SCN9A: variants seen among roughly 807,000 people sequenced by gnomAD.
SCN9A encodes the protein sodium channel protein type 9 subunit alpha.
SCN9A carries 131 observed loss-of-function variants against 187.0 expected under a neutral mutation model. The observed-to-expected ratio is 0.70, with a 90% CI of 0.61 to 0.81. SCN9A has a LOEUF of 0.81. Ranked by LOEUF, SCN9A falls within the 30% of genes least tolerant of loss-of-function variation. The probability of loss-of-function intolerance (pLI) is 0.00; values close to 1 mark genes in which losing one functional copy is unlikely to be tolerated. For synonymous variants in SCN9A, 809 were observed against 808.6 expected, an observed-to-expected ratio of 1.00 and a Z score of -0.01; for missense variants, 2,252 against 2,396.6, an observed-to-expected ratio of 0.94 and a Z score of 1.26.
chr2:166,321,765 C>T (rs1157778841), intron 1 of SCN9A, among the ~76,000 whole-genome samples: 1 of 150,352 alleles, frequency 6.7e-6, no homozygotes, highest in Non-Finnish European at 1.5e-5. Context: ...ACTTATATCA[C>T]TTCATTCCAA....
intron 1 of SCN9A, among the ~76,000 whole-genome samples, chr2:166,374,838 G>A (rs1700649586): frequency 6.6e-6 from 1 of 151,512 alleles, no homozygotes; most frequent in Admixed American, 6.6e-5. Flanking sequence ...ACTGACACTA[G>A]CTTCTTAAAA....
At position 166,204,032 on chromosome 2, in the gene SCN9A, A is replaced by G; in HGVS notation, c.4697T>C (p.Leu1566Pro). 3.1e-6 allele frequency: 5 copies of G among 1,608,292 alleles called. No homozygotes were observed. The highest frequency in any genetic ancestry group is 4.3e-6 in the Non-Finnish European group (5 of 1,175,228). ...GAAGTAGTAGTGTCTGAGGGAGATC[A>G]GTTTTAGCACACATTCTCCAGTGAA... ...ILFTGECVLK[L>P]ISLRHYYFTV... The change falls in exon 26 of 27, where the codon CTG becomes CCG. Residue 1566 changes from leucine to proline, a missense_variant. Physicochemically the swap from Leu to Pro is moderately conservative, Grantham distance 98 (BLOSUM62 -3). Transcript: ENST00000642356.
At chr2:166,215,759 A>G (rs1414135751) in intron 24 of SCN9A, among the ~76,000 whole-genome samples, 1 of 142,838 alleles carries the variant, frequency 7.0e-6, no homozygotes, top group Non-Finnish European at 1.5e-5. Flanking sequence ...ATAGATCAGT[A>G]ATAAATTAAG....
At chr2:166,288,313 G>A (rs1332582830) in intron 10 of SCN9A, 124 bp downstream of exon 10, 8 of 705,600 alleles carry the variant, frequency 1.1e-5, no homozygotes, top group Non-Finnish European at 1.3e-5. Context: ...TGAGGATACA[G>A]TTTATACACA....
chr2:166,362,018 C>G (rs2105316641), intron 1 of SCN9A, among the ~76,000 whole-genome samples: 1 of 152,130 alleles, frequency 6.6e-6, no homozygotes, highest in South Asian at 2.1e-4. Context: ...AGTTAAGAAG[C>G]ATGCATGCCA....
intron 1 of SCN9A, among the ~76,000 whole-genome samples, chr2:166,331,258 T>G (rs1699496227): frequency 6.6e-6 from 1 of 152,150 alleles, no homozygotes; most frequent in Non-Finnish European, 1.5e-5. Flanking sequence ...AAAAATTTAG[T>G]CTTTCTTTTA....
chr2:166,209,765 T>C (rs954000945), intron 24 of SCN9A, among the ~76,000 whole-genome samples: 3 of 151,514 alleles, frequency 2.0e-5, no homozygotes, highest in Non-Finnish European at 2.9e-5. Context: ...AGATACCATC[T>C]CATACCAGTT....
intron 1 of SCN9A, among the ~76,000 whole-genome samples, chr2:166,360,121 T>G (rs1700242458): frequency 7.0e-6 from 1 of 143,362 alleles, no homozygotes; most frequent in Admixed American, 7.5e-5. Flanking sequence ...CTCAGGAGGC[T>G]GAGGCAGGAG....
At chr2:166,374,984 TC>T (rs778374010) in intron 1 of SCN9A, among the ~76,000 whole-genome samples, 5 of 152,184 alleles carry the variant, frequency 3.3e-5, no homozygotes, top group Admixed American at 6.5e-5. Context: ...CATTAATGTT[TC>T]TAGTTTCTTG....
chr2:166,281,858 T>C, intron 12 of SCN9A, 50 bp from the exon 13 acceptor site: 1 of 1,538,536 alleles, frequency 6.5e-7, no homozygotes, highest in East Asian at 2.3e-5. Context: ...TAATAAATTG[T>C]AGGTATAAGA....
At position 166,228,927 on chromosome 2, in the gene SCN9A, C is replaced by T. The variant is rs1167450648; in HGVS notation, c.3970G>A (p.Val1324Met). 6.2e-7 allele frequency: 1 copy of T among 1,613,536 alleles called. No homozygotes were observed. The highest frequency in any genetic ancestry group is 1.7e-5 in the Admixed American group (1 of 60,002). ...LIGAIPSIMN[V>M]LLVCLIFWLI... ...CAGAATATAAGACACACAAGTAGCA[C>T]ATTCATGATGGAAGGAATTGCTCCT... The change falls in exon 22 of 27, where the codon GTG becomes ATG. Residue 1324 changes from valine (V) to methionine (M), a missense_variant. This residue lies in a region of SCN9A where 368 missense variants were observed against 408.6 expected (regional missense o/e 0.90). Coordinates refer to ENST00000642356, the MANE Select transcript of SCN9A (RefSeq NM_001365536.1).
At chr2:166,302,964 G>T (rs1314959934) in intron 7 of SCN9A, 126 bp downstream of exon 7, 9 of 775,082 alleles carry the variant, frequency 1.2e-5, no homozygotes, top group Non-Finnish European at 1.8e-5. Context: ...AATTCACACT[G>T]TAGCAGCTTT....
chr2:166,209,222 G>A (rs1472822380), intron 24 of SCN9A, among the ~76,000 whole-genome samples: 1 of 152,150 alleles, frequency 6.6e-6, no homozygotes, highest in African/African-American at 2.4e-5. Flanking sequence ...TGGCTGACAG[G>A]TGGCTATTCT....
In SCN9A at chr2:166,233,424, G is replaced by T; in HGVS notation, c.3840C>A (p.Tyr1280Ter). The T allele has an allele frequency of 6.3e-7, 1 of 1,577,422 alleles. No individual in the cohort carries two copies. Among genetic ancestry groups the T allele is most frequent in the Non-Finnish European group, 8.6e-7 (1 of 1,167,236 alleles). ...LVTLVANTLG[Y>*]SDLGPIKSLR... ...GGGATTTAATGGGGCCAAGATCTGA[G>T]TAGCCAAGAGTGTTTGCCACTAAAG... Residue 1280 changes from tyrosine (Y) to a stop codon, truncating the protein, a stop_gained, in exon 21 of 27, where the codon TAC becomes TAA. Coordinates refer to ENST00000642356, the MANE Select transcript of SCN9A (RefSeq NM_001365536.1). LOFTEE classifies it high-confidence loss of function.
In SCN9A at chr2:166,340,541, C is replaced by CTTTCTTTCTTTCTTTCTTT. The variant is rs1559050847; in HGVS notation, c.-50-28736_-50-28735insAAAGAAAGAAAGAAAGAAA. On this transcript the variant is annotated intron_variant, in intron 1 of 26. Coordinates refer to ENST00000642356, the MANE Select transcript of SCN9A (RefSeq NM_001365536.1). The stretch of plus-strand genomic sequence containing the variant: ...TTCCCTCTCTCCTTTCTTTTCTTTC[C>CTTTCTTTCTTTCTTTCTTT]CTTTCTTTCTTTCTTTCTTTCTTTC... 8.8e-5 allele frequency among the ~76,000 whole-genome samples: 6 copies of CTTTCTTTCTTTCTTTCTTT among 67,822 alleles called. 1 individual carries two copies. The highest frequency in any genetic ancestry group is 2.8e-4 in the Admixed American group (2 of 7,104). 44.5% of individuals were successfully genotyped at this position (67,822 alleles called of 152,430 possible).
At chr2:166,251,671 A>T in intron 18 of SCN9A, 94 bp downstream of exon 18, 2 of 1,354,648 alleles carry the variant, frequency 1.5e-6, no homozygotes, top group Non-Finnish European at 2.1e-6. Context: ...GAGTCTTCTG[A>T]CTTACCGACA....
intron 2 of SCN9A, 70 bp from the exon 3 acceptor site, chr2:166,307,144 T>C: frequency 1.2e-6 from 1 of 842,058 alleles, no homozygotes; most frequent in Non-Finnish European, 2.0e-6. Flanking sequence ...ATATCAGCAG[T>C]TTACCTTTCT....
chr2:166,303,444 G>T (rs1698647263), intron 6 of SCN9A, 142 bp from the exon 7 acceptor site: 3 of 634,198 alleles, frequency 4.7e-6, no homozygotes, highest in Non-Finnish European at 8.0e-6. Flanking sequence ...TTCTGGGTTT[G>T]CTATTTTATA....
intron 1 of SCN9A, among the ~76,000 whole-genome samples, chr2:166,371,187 C>G (rs13000874): frequency 0.24 from 35,945 of 152,050 alleles, 4,980 homozygotes; most frequent in African/African-American, 0.38. Flanking sequence ...ACAACAACAA[C>G]ATATTTTTTG....
Sources: allele counts gnomAD v4.1 joint callset (sites outside exome capture counted in the v4.1 genomes callset), GRCh38; gene constraint gnomAD v4.1.1; regional missense constraint gnomAD v4.1.1; transcripts MANE v1.5; gene names NCBI Gene and HGNC (gene_info 2026-07-23, HGNC 2026-07-21).